RHOJ: variants seen among roughly 807,000 people sequenced by gnomAD.
RHOJ encodes ras homolog family member J, also known as rho-related GTP-binding protein RhoJ.
RHOJ carries 11 observed loss-of-function variants against 23.4 expected under a neutral mutation model. That is an observed-to-expected ratio of 0.47 (90% CI 0.30 to 0.78). The LOEUF is 0.78. Ranked by LOEUF, RHOJ falls within the 30% of genes least tolerant of loss-of-function variation. The probability of loss-of-function intolerance (pLI) is 0.08; values close to 1 mark genes in which losing one functional copy is unlikely to be tolerated. For synonymous variants in RHOJ, 102 were observed against 102.7 expected (o/e 0.99, Z 0.04); for missense variants, 254 against 273.4 (o/e 0.93, Z 0.50).
At chr14:63,254,946 A>G (rs979151773) in intron 1 of RHOJ, among the ~76,000 whole-genome samples, 3 of 152,160 alleles carry the variant, frequency 2.0e-5, no homozygotes, top group African/African-American at 7.2e-5. Flanking sequence ...GAAATATTGG[A>G]CTGAACAACA....
At position 63,292,475 on chromosome 14, in the gene RHOJ, T is replaced by A. The variant is rs560821505; in HGVS notation, c.*1451T>A. On this transcript the variant is annotated 3_prime_UTR_variant, in exon 5 of 5. Coordinates refer to ENST00000316754, the MANE Select transcript of RHOJ (RefSeq NM_020663.5). The stretch of plus-strand genomic sequence containing the variant: ...TATGAGGACTTCTAATTAGTCTTAG[T>A]TGCTTATAAGTGCCCTGGAATCACC... 6.6e-6 allele frequency: 1 copy of A among 152,204 alleles called. No homozygotes were observed. The highest frequency in any genetic ancestry group is 1.5e-5 in the Non-Finnish European group (1 of 68,044). 9.4% of individuals were successfully genotyped at this position (152,204 alleles called of 1,614,324 possible).
At chr14:63,254,450 C>A (rs1895127368) in intron 1 of RHOJ, among the ~76,000 whole-genome samples, 1 of 152,024 alleles carries the variant, frequency 6.6e-6, no homozygotes, top group Non-Finnish European at 1.5e-5. Context: ...GGGAGGGGGG[C>A]ATTTAAGCCA....
chr14:63,248,639 CCT>C (rs1190097659), intron 1 of RHOJ, among the ~76,000 whole-genome samples: 2 of 152,170 alleles, frequency 1.3e-5, no homozygotes, highest in Admixed American at 6.5e-5. Flanking sequence ...TGCTGTCTTT[CCT>C]CTGTTTACCA....
intron 1 of RHOJ, among the ~76,000 whole-genome samples, chr14:63,260,356 G>A (rs934301165): frequency 6.6e-6 from 1 of 152,156 alleles, no homozygotes. Flanking sequence ...CGTTCTACTC[G>A]TAAAATTATA....
At chr14:63,277,535 G>A (rs1304003918) in intron 2 of RHOJ, among the ~76,000 whole-genome samples, 1 of 152,164 alleles carries the variant, frequency 6.6e-6, no homozygotes, top group Non-Finnish European at 1.5e-5. Flanking sequence ...AAGCTCCCCA[G>A]GTGATTCTAA....
At chr14:63,209,968 T>C (rs1021826995) in intron 1 of RHOJ, among the ~76,000 whole-genome samples, 1 of 149,718 alleles carries the variant, frequency 6.7e-6, no homozygotes, top group African/African-American at 2.5e-5. Flanking sequence ...TTTTCTTTTT[T>C]TTTTTTTCTT....
chr14:63,225,317 A>C (rs1894572912), intron 1 of RHOJ, among the ~76,000 whole-genome samples: 1 of 152,194 alleles, frequency 6.6e-6, no homozygotes, highest in East Asian at 1.9e-4. Flanking sequence ...CCCTTGGAGC[A>C]ACATGAATTG....
At chr14:63,271,118 C>T (rs1227651213) in intron 2 of RHOJ, among the ~76,000 whole-genome samples, 2 of 152,084 alleles carry the variant, frequency 1.3e-5, no homozygotes. Flanking sequence ...ACCTCTGACA[C>T]AAAAGCGATG....
rs549931112 is a variant in RHOJ at position 63,277,259 on chromosome 14, C to G, written c.238-3712C>G. 7.9e-5 allele frequency among the ~76,000 whole-genome samples: 12 copies of G among 152,296 alleles called. No homozygotes were observed. The South Asian group carries it at 2.5e-3, about 32-fold the overall frequency. ...TGTTGATGGTACCATCCTTCCAGTT[C>G]CATCAGGAGGATGCAATGAGAACAT... On this transcript the variant is annotated intron_variant, in intron 2 of 4. Transcript: ENST00000316754.
At chr14:63,262,290 T>A (rs1895286310) in intron 1 of RHOJ, among the ~76,000 whole-genome samples, 1 of 152,132 alleles carries the variant, frequency 6.6e-6, no homozygotes, top group African/African-American at 2.4e-5. Flanking sequence ...TAGACGTAAG[T>A]TCTACCTGAG....
chr14:63,217,019 C>T (rs1276715436), intron 1 of RHOJ, among the ~76,000 whole-genome samples: 2 of 152,108 alleles, frequency 1.3e-5, no homozygotes, highest in Non-Finnish European at 2.9e-5. Flanking sequence ...AGATGATACA[C>T]CCAGATCCTT....
chr14:63,285,633 A>T (rs1566631651), intron 4 of RHOJ, among the ~76,000 whole-genome samples: 1 of 152,148 alleles, frequency 6.6e-6, no homozygotes, highest in Non-Finnish European at 1.5e-5. Flanking sequence ...ATAAATATTC[A>T]TTATTCTTTG....
Position 63,204,765 on chromosome 14 carries a change from CAG to C in RHOJ, c.-102_-101del. 3 of 1,164,484 alleles carry C rather than the reference CAG, an allele frequency of 2.6e-6. No individual in the cohort carries two copies. Among genetic ancestry groups the C allele is most frequent in the Non-Finnish European group, 3.7e-6 (3 of 806,592 alleles). The allele number at this position is 1,164,484 out of a possible 1,614,324, so 72.1% of individuals were successfully genotyped here. On this transcript the variant is annotated 5_prime_UTR_variant, in exon 1 of 5. An upstream open reading frame in the 5' UTR loses its in-frame stop. Transcript: ENST00000316754. ...ATGATCCAAGGTACCCAAAGTCAGACAGAGTAAACTCAAGCCTGGCACTGGCT... is the reference window on the plus strand; with the variant it reads ...ATGATCCAAGGTACCCAAAGTCAGACAGTAAACTCAAGCCTGGCACTGGCT...
At chr14:63,278,566 G>C (rs1380718568) in intron 2 of RHOJ, among the ~76,000 whole-genome samples, 1 of 152,066 alleles carries the variant, frequency 6.6e-6, no homozygotes, top group Non-Finnish European at 1.5e-5. Flanking sequence ...AGAGTCAATA[G>C]AAAGGTTGAT....
intron 1 of RHOJ, among the ~76,000 whole-genome samples, chr14:63,217,806 G>A (rs1894398858): frequency 6.6e-6 from 1 of 152,174 alleles, no homozygotes. Context: ...AGCTTTTCAT[G>A]TATTCACTGC....
At position 63,204,798 on chromosome 14, in the gene RHOJ, C is replaced by T. The variant is rs1894069596; in HGVS notation, c.-72C>T. The T allele has an allele frequency of 3.3e-6, 5 of 1,495,912 alleles. No individual in the cohort carries two copies. Among genetic ancestry groups the T allele is most frequent in the South Asian group, 1.2e-5 (1 of 82,360 alleles). 92.7% of individuals were successfully genotyped at this position (1,495,912 alleles called of 1,614,324 possible). ...ACTCAAGCCTGGCACTGGCTTTCTG[C>T]CGCTTCATGTGCTTTGGAAAAAGCA... On this transcript the variant is annotated 5_prime_UTR_variant, in exon 1 of 5. Coordinates refer to ENST00000316754, the MANE Select transcript of RHOJ (RefSeq NM_020663.5).
intron 1 of RHOJ, among the ~76,000 whole-genome samples, chr14:63,244,476 G>C (rs545505168): frequency 6.6e-6 from 1 of 152,042 alleles, no homozygotes; most frequent in Non-Finnish European, 1.5e-5. Context: ...ACTTGGGAAG[G>C]CTGAGGCAGC....
intron 1 of RHOJ, among the ~76,000 whole-genome samples, chr14:63,244,477 C>T (rs1894941000): frequency 6.6e-6 from 1 of 151,632 alleles, no homozygotes; most frequent in Non-Finnish European, 1.5e-5. Context: ...CTTGGGAAGG[C>T]TGAGGCAGCA....
intron 1 of RHOJ, among the ~76,000 whole-genome samples, chr14:63,222,043 A>G (rs1894506288): frequency 7.3e-6 from 1 of 137,122 alleles, no homozygotes; most frequent in African/African-American, 2.8e-5. Flanking sequence ...CTCATTGTTC[A>G]ATTCCCACCT....
Sources: gnomAD v4.1 joint callset for allele counts (sites outside exome capture counted in the v4.1 genomes callset) on GRCh38, gnomAD v4.1.1 for gene constraint, MANE v1.5 for transcripts, NCBI Gene and HGNC (gene_info 2026-07-23, HGNC 2026-07-21) for gene names.